The following WWOX variants were observed in gnomAD, a reference collection of about 807,000 sequenced individuals.
WWOX encodes WW domain containing oxidoreductase.
Under a neutral mutation model 46.2 loss-of-function variants are expected in WWOX, and 69 were observed. The observed-to-expected ratio is 1.49, with a 90% CI of 1.23 to 1.82. The LOEUF (loss-of-function observed/expected upper bound fraction) is 1.82. Among genes scored for constraint, WWOX ranks in the 40% most tolerant of loss-of-function variants. The pLI, the probability that WWOX is intolerant of heterozygous loss-of-function variation, is 0.00. For missense variants in WWOX, 919 were observed against 542.6 expected (o/e 1.69, Z -6.89); for synonymous variants, 359 against 202.6 (o/e 1.77, Z -6.56).
intron 8 of WWOX, among the ~76,000 whole-genome samples, chr16:78,999,338 C>T (rs2047050064): frequency 6.6e-6 from 1 of 152,078 alleles, no homozygotes; most frequent in Non-Finnish European, 1.5e-5. Context: ...GGCGTAGTGG[C>T]ACATGCCTGT....
chr16:79,103,006 C>G (rs1312437514), intron 8 of WWOX, among the ~76,000 whole-genome samples: 3 of 152,070 alleles, frequency 2.0e-5, no homozygotes, highest in Non-Finnish European at 4.4e-5. Context: ...TCTCCTCATC[C>G]TCTTCTTCCC....
intron 3 of WWOX, among the ~76,000 whole-genome samples, chr16:78,110,339 CAAAAAAAAAAAAA>C (rs34862048): frequency 2.3e-5 from 2 of 85,670 alleles, no homozygotes; most frequent in Non-Finnish European, 4.4e-5. Context: ...GACTCCTTCT[CAAAAAAAAAAAAA>C]AAAAAAAAAG....
intron 4 of WWOX, among the ~76,000 whole-genome samples, chr16:78,163,474 A>G (rs1203721913): frequency 1.3e-5 from 2 of 152,218 alleles, no homozygotes; most frequent in Admixed American, 1.3e-4. Flanking sequence ...AAAATTGCCA[A>G]AAGCTCAGCC....
intron 8 of WWOX, among the ~76,000 whole-genome samples, chr16:78,908,399 G>T (rs966171036): frequency 6.6e-6 from 1 of 152,172 alleles, no homozygotes; most frequent in African/African-American, 2.4e-5. Flanking sequence ...TATTAGCCAG[G>T]CGTAGTGGTA....
At chr16:78,472,905 C>G (rs760562555) in intron 8 of WWOX, among the ~76,000 whole-genome samples, 5 of 152,050 alleles carry the variant, frequency 3.3e-5, no homozygotes, top group Admixed American at 1.3e-4. Context: ...CTGCGCCACT[C>G]CCTTCTTCCC....
At chr16:78,445,231 A>T (rs1326485986) in intron 8 of WWOX, among the ~76,000 whole-genome samples, 4 of 152,046 alleles carry the variant, frequency 2.6e-5, no homozygotes, top group Non-Finnish European at 5.9e-5. Flanking sequence ...TAAATACCAT[A>T]CCCCATCTAT....
intron 8 of WWOX, among the ~76,000 whole-genome samples, chr16:78,926,614 G>C (rs556688995): frequency 7.7e-4 from 117 of 152,248 alleles, no homozygotes; most frequent in African/African-American, 2.7e-3. Context: ...TGGTTTGTCA[G>C]TTCTTTCATT....
At chr16:78,421,613 C>T (rs2082933604) in intron 6 of WWOX, among the ~76,000 whole-genome samples, 1 of 152,196 alleles carries the variant, frequency 6.6e-6, no homozygotes, top group African/African-American at 2.4e-5. Context: ...CAGATTCCTA[C>T]CATTCAACCC....
intron 8 of WWOX, among the ~76,000 whole-genome samples, chr16:79,097,308 C>T (rs1008171071): frequency 1.3e-5 from 2 of 151,618 alleles, no homozygotes; most frequent in South Asian, 2.1e-4. Flanking sequence ...AGATGCCATT[C>T]GCAATCCAGC....
At chr16:78,099,908 G>A in intron 1 of WWOX, 23 bp downstream of exon 1, 1 of 1,551,426 alleles carries the variant, frequency 6.4e-7, no homozygotes, top group Non-Finnish European at 8.7e-7. Context: ...CAGTGGGGCC[G>A]CGGACGCACC....
chr16:78,641,510 C>T (rs910501339), intron 8 of WWOX, among the ~76,000 whole-genome samples: 2 of 152,120 alleles, frequency 1.3e-5, no homozygotes, highest in Non-Finnish European at 1.5e-5. Context: ...TAATCAACTG[C>T]AGACTCAATC....
chr16:78,159,153 G>A (rs566084330), intron 4 of WWOX, among the ~76,000 whole-genome samples: 49 of 151,314 alleles, frequency 3.2e-4, no homozygotes, highest in Admixed American at 2.9e-3. Flanking sequence ...GTGTGTTTGT[G>A]TGTGTGTGTG....
chr16:78,227,072 T>A (rs2037084732), intron 5 of WWOX, among the ~76,000 whole-genome samples: 1 of 152,220 alleles, frequency 6.6e-6, no homozygotes, highest in African/African-American at 2.4e-5. Flanking sequence ...GTTCTGATCC[T>A]CACTGCTCTA....
intron 8 of WWOX, among the ~76,000 whole-genome samples, chr16:78,657,747 TC>T (rs1266356820): frequency 6.6e-6 from 1 of 152,200 alleles, no homozygotes; most frequent in Non-Finnish European, 1.5e-5. Flanking sequence ...TGCTTGAGGC[TC>T]CCTCTCTTGG....
At chr16:78,974,729 A>G (rs968883532) in intron 8 of WWOX, among the ~76,000 whole-genome samples, 1 of 152,196 alleles carries the variant, frequency 6.6e-6, no homozygotes, top group African/African-American at 2.4e-5. Flanking sequence ...CCAAACCCCA[A>G]GACCCACACT....
intron 8 of WWOX, among the ~76,000 whole-genome samples, chr16:78,506,215 G>A (rs1223739746): frequency 6.6e-6 from 1 of 152,176 alleles, no homozygotes; most frequent in Non-Finnish European, 1.5e-5. Flanking sequence ...TGGCCTCTTC[G>A]TTCTCCCTGT....
At chr16:78,883,403 T>C (rs2044384790) in intron 8 of WWOX, among the ~76,000 whole-genome samples, 2 of 152,208 alleles carry the variant, frequency 1.3e-5, no homozygotes, top group South Asian at 2.1e-4. Context: ...GTCTGTCATT[T>C]ACTTAATAGT....
chr16:79,146,725 G>C (rs764192265), intron 8 of WWOX, among the ~76,000 whole-genome samples: 23 of 152,156 alleles, frequency 1.5e-4, no homozygotes, highest in Non-Finnish European at 3.1e-4. Flanking sequence ...GAATTAGGTG[G>C]TCAGAAAGGT....
In WWOX at chr16:79,212,379, C is replaced by T. The variant is rs911202638; in HGVS notation, c.*583C>T. On this transcript the variant is annotated 3_prime_UTR_variant, in exon 9 of 9. Coordinates refer to ENST00000566780, the MANE Select transcript of WWOX (RefSeq NM_016373.4). ...CCCAGAGGGAGTAGAATACGCAGAA[C>T]TACCAGGTGGCAAAGTACTTGTCAT... 4.0e-6 allele frequency: 2 copies of T among 503,110 alleles called. No homozygotes were observed. The highest frequency in any genetic ancestry group is 3.2e-5 in the East Asian group (1 of 31,234). The allele number at this position is 503,110 out of a possible 1,614,324, so 31.2% of individuals were successfully genotyped here. A position where few individuals can be genotyped will look rare whatever the true frequency, so the allele number is the denominator to read the frequency against.
Sources: gnomAD v4.1 joint callset for allele counts (sites outside exome capture counted in the v4.1 genomes callset) on GRCh38, gnomAD v4.1.1 for gene constraint, MANE v1.5 for transcripts, NCBI Gene and HGNC (gene_info 2026-07-23, HGNC 2026-07-21) for gene names.